The following DPYSL5 variants were observed in gnomAD, a reference collection of about 807,000 sequenced individuals.
The protein encoded by DPYSL5 is dihydropyrimidinase like 5, also known as dihydropyrimidinase-related protein 5.
In DPYSL5, 9 loss-of-function variants were observed where a neutral mutation model predicts 58.4. The ratio of observed to expected loss-of-function variants is 0.15; its 90% CI spans 0.09 to 0.27. DPYSL5 has a LOEUF of 0.27. DPYSL5 is among the 10% of genes least tolerant of loss of function. The probability of loss-of-function intolerance (pLI) is 1.00; values close to 1 mark genes in which losing one functional copy is unlikely to be tolerated. For missense variants in DPYSL5, 499 were observed against 770.6 expected (o/e 0.65, Z 4.17); for synonymous variants, 293 against 301.9 (o/e 0.97, Z 0.31).
chr2:26,918,729 T>C (rs1664636521), intron 2 of DPYSL5, among the ~76,000 whole-genome samples: 3 of 152,236 alleles, frequency 2.0e-5, no homozygotes, highest in African/African-American at 7.2e-5. Flanking sequence ...CCTTAATCTA[T>C]ATACATACCA....
Position 26,925,356 on chromosome 2 carries a change from A to G in DPYSL5, c.420+311A>G, listed in dbSNP as rs892578793. On this transcript the variant is annotated intron_variant, in intron 3 of 12. Transcript: ENST00000288699. This position sits in a 1 kb window ranked among gnomAD's most constrained non-coding sequence, Gnocchi z 4.5. ...CGTGTGAATGTAGGGCACCACTGAC[A>G]GGTCATGGGCAGTGCTGCTGAGAAG... Among the ~76,000 whole-genome samples the G allele has an allele frequency of 4.6e-5, 7 of 152,114 alleles. No individual in the cohort carries two copies. The highest frequency in any genetic ancestry group is 4.8e-5 in the African/African-American group (2 of 41,430).
At chr2:26,887,848 C>A (rs569199385) in intron 1 of DPYSL5, among the ~76,000 whole-genome samples, 1 of 152,146 alleles carries the variant, frequency 6.6e-6, no homozygotes, top group Non-Finnish European at 1.5e-5. Context: ...CACCTTAACG[C>A]GAACCCATGA....
intron 1 of DPYSL5, among the ~76,000 whole-genome samples, chr2:26,867,759 ATTGT>A (rs1030179622): frequency 1.3e-5 from 2 of 151,890 alleles, no homozygotes; most frequent in African/African-American, 4.8e-5. Flanking sequence ...CCGGCCCCCA[ATTGT>A]TTGTTTTTGC....
intron 1 of DPYSL5, among the ~76,000 whole-genome samples, chr2:26,886,991 A>G (rs1259740629): frequency 1.3e-5 from 2 of 152,156 alleles, no homozygotes; most frequent in African/African-American, 4.8e-5. Context: ...GCAAGGGAAA[A>G]TCATGCCAGC....
In DPYSL5 at chr2:26,933,386, T is replaced by C. The variant is rs2148167852; in HGVS notation, c.790+53T>C. ...GCAGGTCAAGTGGAGGGACTGGAGA[T>C]GGATGGGGCCCATTAGCCGTGCTCA... On this transcript the variant is annotated intron_variant, in intron 7 of 12. Transcript: ENST00000288699. This position sits in a 1 kb window ranked among gnomAD's most constrained non-coding sequence, Gnocchi z 4.2. The C allele has an allele frequency of 1.9e-6, 3 of 1,548,616 alleles. No individual in the cohort carries two copies. Among genetic ancestry groups the C allele is most frequent in the Non-Finnish European group, 2.7e-6 (3 of 1,123,108 alleles).
In DPYSL5 at chr2:26,944,030, G is replaced by A. The variant is rs1233755206; in HGVS notation, c.1441-626G>A. ...CTTCCGGTTGGGCATGGTGGCTCAC[G>A]CCTGTAATCCCGGAACTTTGGGAGG... On this transcript the variant is annotated intron_variant, in intron 11 of 12. Transcript: ENST00000288699. The surrounding 1 kb of genome is among the most constrained non-coding windows in gnomAD (Gnocchi z 4.4). Among the ~76,000 whole-genome samples the A allele has an allele frequency of 1.3e-5, 2 of 152,170 alleles. No homozygotes were observed. Among genetic ancestry groups the A allele is most frequent in the Non-Finnish European group, 2.9e-5 (2 of 68,022 alleles).
chr2:26,895,121 C>G (rs1357806116), intron 1 of DPYSL5, among the ~76,000 whole-genome samples: 1 of 152,224 alleles, frequency 6.6e-6, no homozygotes, highest in East Asian at 1.9e-4. Flanking sequence ...CAAGATCATG[C>G]AGTCTTGATT....
At chr2:26,861,650 C>T (rs1336527874) in intron 1 of DPYSL5, among the ~76,000 whole-genome samples, 1 of 152,128 alleles carries the variant, frequency 6.6e-6, no homozygotes, top group Non-Finnish European at 1.5e-5. Flanking sequence ...TTGGCTTCCT[C>T]ATGTAGAGCA....
rs753826731 is a variant in DPYSL5 at position 26,928,760 on chromosome 2, C to CGT, written c.669+452_669+453dup. 6.8e-3 allele frequency among the ~76,000 whole-genome samples: 200 copies of CGT among 29,258 alleles called. 45 individuals are homozygous for CGT. The Middle Eastern group carries it at 0.087, about 13-fold the overall frequency. The allele number at this position is 29,258 out of a possible 152,430, so 19.2% of individuals were successfully genotyped here. A position where few individuals can be genotyped will look rare whatever the true frequency, so the allele number is the denominator to read the frequency against. On this transcript the variant is annotated intron_variant, in intron 5 of 12. Transcript: ENST00000288699. ...ACACACGCACACACATACGTGTGTG[C>CGT]GTGTGTGTGTGTGTGTATAGCATCA...
At position 26,928,163 on chromosome 2, in the gene DPYSL5, G is replaced by A. The variant is rs1664873846; in HGVS notation, c.601-92G>A. 1.1e-5 allele frequency: 14 copies of A among 1,311,682 alleles called. No homozygotes were observed. The Admixed American group carries it at 1.1e-4, about 10-fold the overall frequency. The allele number at this position is 1,311,682 out of a possible 1,614,324, so 81.3% of individuals were successfully genotyped here. Reference sequence around the variant, plus strand: ...AAGCAAGCCTATTGAAACAGGCGGTGTCTAGCATATTTCACTGTCCCTTGG... The same window carrying A: ...AAGCAAGCCTATTGAAACAGGCGGTATCTAGCATATTTCACTGTCCCTTGG... On this transcript the variant is annotated intron_variant, in intron 4 of 12. Transcript: ENST00000288699.
chr2:26,931,207 A>G (rs201267886), intron 5 of DPYSL5, among the ~76,000 whole-genome samples: 8,321 of 60,938 alleles, frequency 0.14, 453 homozygotes, highest in Admixed American at 0.16. Context: ...GTGTGTGTAT[A>G]TATATATATA....
At chr2:26,931,169 A>ATATGTGTG (rs1353719385) in intron 5 of DPYSL5, among the ~76,000 whole-genome samples, 12 of 45,700 alleles carry the variant, frequency 2.6e-4, no homozygotes, top group Admixed American at 9.1e-4. Flanking sequence ...ATATATATAT[A>ATATGTGTG]TGTGTGTGTG....
At chr2:26,910,752 G>A (rs1228921387) in intron 2 of DPYSL5, among the ~76,000 whole-genome samples, 1 of 150,972 alleles carries the variant, frequency 6.6e-6, no homozygotes, top group East Asian at 1.9e-4. Context: ...ACCACACCCA[G>A]CCCAAAAGTT....
intron 1 of DPYSL5, among the ~76,000 whole-genome samples, chr2:26,864,296 C>T (rs139713202): frequency 9.7e-4 from 148 of 152,298 alleles, no homozygotes; most frequent in African/African-American, 3.3e-3. Flanking sequence ...CACAAGAGTG[C>T]TCCAGGAAGA....
rs986335441 is a variant in DPYSL5, at chr2:26,849,551, G to C, written c.-5+1297G>C. ...AAACCAGCCGGTAGCGACTCGCTTA[G>C]GGTTTTGTGATCTTCCGCGGCGCCC... On this transcript the variant is annotated intron_variant, in intron 1 of 12. Coordinates refer to ENST00000288699, the MANE Select transcript of DPYSL5 (RefSeq NM_020134.4). The surrounding 1 kb of genome is among the most constrained non-coding windows in gnomAD (Gnocchi z 6.2). Among the ~76,000 whole-genome samples the C allele has an allele frequency of 2.0e-5, 3 of 152,168 alleles. No individual in the cohort carries two copies. Among genetic ancestry groups the C allele is most frequent in the Admixed American group, 6.5e-5 (1 of 15,288 alleles).
chr2:26,874,522 C>T (rs1341793775), intron 1 of DPYSL5, among the ~76,000 whole-genome samples: 2 of 152,256 alleles, frequency 1.3e-5, no homozygotes, highest in South Asian at 4.1e-4. Flanking sequence ...ATCAAATGAT[C>T]ATATATATAT....
At chr2:26,882,631 T>C (rs957800623) in intron 1 of DPYSL5, among the ~76,000 whole-genome samples, 1 of 152,184 alleles carries the variant, frequency 6.6e-6, no homozygotes, top group Non-Finnish European at 1.5e-5. Context: ...CAGAGAGTGG[T>C]GGCTCATGCC....
chr2:26,865,300 G>C (rs1392504725), intron 1 of DPYSL5, among the ~76,000 whole-genome samples: 1 of 146,668 alleles, frequency 6.8e-6, no homozygotes, highest in Non-Finnish European at 1.5e-5. Context: ...TGTGGAGATA[G>C]GGTTTTGTGT....
chr2:26,855,742 C>T (rs1665863690), intron 1 of DPYSL5, among the ~76,000 whole-genome samples: 9 of 152,126 alleles, frequency 5.9e-5, no homozygotes, highest in Admixed American at 5.2e-4. Context: ...AATTCTCACG[C>T]CTTGGGTCTT....
Sources: gnomAD v4.1 joint callset for allele counts (sites outside exome capture counted in the v4.1 genomes callset) on GRCh38, gnomAD v4.1.1 for gene constraint, Gnocchi (gnomAD v3.1) non-coding constraint, MANE v1.5 for transcripts, NCBI Gene and HGNC (gene_info 2026-07-23, HGNC 2026-07-21) for gene names.